The following BTD variants were observed in gnomAD, a reference collection of about 807,000 sequenced individuals.
The protein encoded by BTD is biotinidase.
A neutral mutation model predicts 17.7 loss-of-function variants in BTD; 13 were observed. That is an observed-to-expected ratio of 0.74 (90% CI 0.48 to 1.17). The LOEUF (loss-of-function observed/expected upper bound fraction) is 1.17, where lower values mean the gene tolerates loss of function less well. BTD is among the 50% of genes most tolerant of loss of function. The pLI is 0.00. For missense variants in BTD, 674 were observed against 650.4 expected, an observed-to-expected ratio of 1.04 and a Z score of -0.39; for synonymous variants, 240 against 245.2, an observed-to-expected ratio of 0.98 and a Z score of 0.20.
chr3:15,618,560 C>G (rs1251028389), intron 1 of BTD, among the ~76,000 whole-genome samples: 1 of 152,106 alleles, frequency 6.6e-6, no homozygotes, highest in Non-Finnish European at 1.5e-5. Flanking sequence ...GAGTCTCACT[C>G]TGTCACCCAG....
At chr3:15,705,005 A>C (rs1272567888) in intron 3 of BTD, among the ~76,000 whole-genome samples, 1 of 152,186 alleles carries the variant, frequency 6.6e-6, no homozygotes, top group Non-Finnish European at 1.5e-5. Flanking sequence ...CCTTTTACAA[A>C]TAAAGAATAT....
intron 3 of BTD, among the ~76,000 whole-genome samples, chr3:15,662,396 G>A (rs2065933319): frequency 6.6e-6 from 1 of 152,122 alleles, no homozygotes; most frequent in African/African-American, 2.4e-5. Context: ...TGTTTTAAAT[G>A]TCAAATTCAC....
rs999146996 is a variant in BTD at position 15,711,360 on chromosome 3, T to G, written c.*1286T>G. On this transcript the variant is annotated 3_prime_UTR_variant, in exon 4 of 4. Coordinates refer to the BTD transcript ENST00000672141. ...TCATGAAACATCAAGAATCACATCC[T>G]CCCCTCCAATCCCAAACAAAACTAT... The G allele has an allele frequency of 9.9e-6, 11 of 1,113,642 alleles. 1 individual carries two copies. The highest frequency in any genetic ancestry group is 7.8e-5 in the African/African-American group (5 of 63,826). 69.0% of individuals were successfully genotyped at this position (1,113,642 alleles called of 1,614,324 possible). A position where few individuals can be genotyped will look rare whatever the true frequency, so the allele number is the denominator to read the frequency against.
At chr3:15,691,843 G>C (rs1394612474) in intron 3 of BTD, among the ~76,000 whole-genome samples, 1 of 152,140 alleles carries the variant, frequency 6.6e-6, no homozygotes, top group Non-Finnish European at 1.5e-5. Flanking sequence ...AAAAAGAAGA[G>C]TTTAGCCAGT....
At chr3:15,630,629 A>G (rs1559589518) in intron 1 of BTD, among the ~76,000 whole-genome samples, 1 of 152,246 alleles carries the variant, frequency 6.6e-6, no homozygotes, top group Non-Finnish European at 1.5e-5. Context: ...AATCAAAGGC[A>G]CAGTGCACAG....
chr3:15,714,625 G>C (rs2072780163), downstream of BTD: 1 of 1,600,838 alleles, frequency 6.2e-7, no homozygotes, highest in Admixed American at 1.8e-5. Context: ...GTGGAGAGCA[G>C]TCATGTGTAG....
downstream of BTD, chr3:15,713,382 C>T: frequency 1.7e-6 from 1 of 599,696 alleles, no homozygotes; most frequent in Non-Finnish European, 2.9e-6. Flanking sequence ...TAACCTACCA[C>T]TTTGTCAATA....
At chr3:15,666,587 C>A (rs1334558431) in intron 3 of BTD, among the ~76,000 whole-genome samples, 2 of 152,212 alleles carry the variant, frequency 1.3e-5, no homozygotes, top group Non-Finnish European at 2.9e-5. Context: ...GTTATTAAAG[C>A]CCTCTTCACC....
intron 2 of BTD, among the ~76,000 whole-genome samples, chr3:15,636,141 C>A (rs1463193923): frequency 1.3e-5 from 2 of 152,080 alleles, no homozygotes; most frequent in Non-Finnish European, 2.9e-5. Context: ...TTTTAAGGCT[C>A]CCCAGTGCAG....
intron 4 of BTD, among the ~76,000 whole-genome samples, chr3:15,720,535 G>A (rs2073605628): frequency 6.6e-6 from 1 of 152,092 alleles, no homozygotes; most frequent in African/African-American, 2.4e-5. Context: ...GCATACAAAT[G>A]AACCACCTTA....
rs148433858 is a variant in BTD, at chr3:15,602,835, C to T, written c.-17+941C>T. ...GTGGTTGCCTCCCTGCATATGTGGA[C>T]GGTGTTAGTCCATTTTCATACTGCT... On this transcript the variant is annotated intron_variant, in intron 1 of 3. Transcript: ENST00000643237. Among the ~76,000 whole-genome samples the T allele has an allele frequency of 1.6e-3, 240 of 152,140 alleles. 2 individuals carry two copies. The highest frequency in any genetic ancestry group is 0.011 in the East Asian group (57 of 5,180).
Position 15,635,389 on chromosome 3 carries a change from T to C in BTD, c.-16-35T>C. ...GTTAAATTCTTGGCAGGATTCTTTA[T>C]TCAGCTGTTTTCCCCTTGCCCCATT... On this transcript the variant is annotated intron_variant, in intron 1 of 3. Coordinates refer to ENST00000643237, the MANE Select transcript of BTD (RefSeq NM_001370658.1). The surrounding 1 kb of genome is among the most constrained non-coding windows in gnomAD (Gnocchi z 4.1). The C allele has an allele frequency of 6.2e-7, 1 of 1,614,130 alleles. No individual in the cohort carries two copies. The highest frequency in any genetic ancestry group is 1.1e-5 in the South Asian group (1 of 91,056).
At chr3:15,698,264 C>G (rs866522336) in intron 3 of BTD, among the ~76,000 whole-genome samples, 1 of 152,130 alleles carries the variant, frequency 6.6e-6, no homozygotes, top group African/African-American at 2.4e-5. Context: ...CTAGTTATGA[C>G]AAACCCACAG....
chr3:15,716,093 C>T (rs1250042868), downstream of BTD, among the ~76,000 whole-genome samples: 1 of 151,192 alleles, frequency 6.6e-6, no homozygotes, highest in Non-Finnish European at 1.5e-5. Context: ...AGTGATTCTC[C>T]TGCCTCAGCC....
chr3:15,694,038 C>CTGAT (rs1232309054), intron 3 of BTD, among the ~76,000 whole-genome samples: 1 of 152,052 alleles, frequency 6.6e-6, no homozygotes, highest in African/African-American at 2.4e-5. Flanking sequence ...CCCTGGTCTC[C>CTGAT]TGATTCTCAA....
chr3:15,681,637 A>G (rs1193148076), intron 3 of BTD, among the ~76,000 whole-genome samples: 1 of 152,256 alleles, frequency 6.6e-6, no homozygotes, highest in Non-Finnish European at 1.5e-5. Flanking sequence ...CTCAAACTTA[A>G]TCAGCTTAAA....
chr3:15,666,734 C>G (rs1457132586), intron 3 of BTD, among the ~76,000 whole-genome samples: 4 of 152,162 alleles, frequency 2.6e-5, no homozygotes, highest in Non-Finnish European at 5.9e-5. Flanking sequence ...TATATCTACT[C>G]TATCCCAGAG....
intron 3 of BTD, among the ~76,000 whole-genome samples, chr3:15,692,152 A>T (rs1467810550): frequency 1.3e-5 from 2 of 151,080 alleles, no homozygotes; most frequent in African/African-American, 4.9e-5. Context: ...AATAAAAAAA[A>T]AAAAAAAAAA....
downstream of BTD, among the ~76,000 whole-genome samples, chr3:15,654,325 A>G (rs1432826284): frequency 6.6e-6 from 1 of 152,140 alleles, no homozygotes; most frequent in Non-Finnish European, 1.5e-5. Flanking sequence ...GTGGGCAGAC[A>G]GCATTGCAGG....
Sources: allele counts gnomAD v4.1 joint callset (sites outside exome capture counted in the v4.1 genomes callset), GRCh38; gene constraint gnomAD v4.1.1; non-coding constraint Gnocchi (gnomAD v3.1); transcripts MANE v1.5; gene names NCBI Gene and HGNC (gene_info 2026-07-23, HGNC 2026-07-21).